The following PIP5K1C variants were observed in gnomAD, a reference collection of about 807,000 sequenced individuals.
PIP5K1C encodes the protein phosphatidylinositol 4-phosphate 5-kinase type-1 gamma.
Under a neutral mutation model 80.1 loss-of-function variants are expected in PIP5K1C, and 45 were observed. The ratio of observed to expected loss-of-function variants is 0.56; its 90% CI spans 0.44 to 0.72. The LOEUF (loss-of-function observed/expected upper bound fraction) is 0.72, where lower values mean the gene tolerates loss of function less well. PIP5K1C is among the 30% of genes least tolerant of loss of function. The pLI, the probability that PIP5K1C is intolerant of heterozygous loss-of-function variation, is 0.00. For synonymous variants in PIP5K1C, 498 were observed against 420.1 expected, an observed-to-expected ratio of 1.19 and a Z score of -2.27; for missense variants, 753 against 954.6, an observed-to-expected ratio of 0.79 and a Z score of 2.78.
At chr19:3,672,109 A>G (rs1341016250) in intron 1 of PIP5K1C, among the ~76,000 whole-genome samples, 1 of 152,160 alleles carries the variant, frequency 6.6e-6, no homozygotes, top group African/African-American at 2.4e-5. Flanking sequence ...CGCTGGCTGC[A>G]CGGTGACCTC....
chr19:3,657,580 G>A (rs1252561366), intron 5 of PIP5K1C, among the ~76,000 whole-genome samples: 1 of 152,134 alleles, frequency 6.6e-6, no homozygotes, highest in African/African-American at 2.4e-5. Flanking sequence ...CAATGCTGCT[G>A]TGATAAACAG....
intron 1 of PIP5K1C, among the ~76,000 whole-genome samples, chr19:3,699,151 C>T (rs970213219): frequency 2.0e-5 from 3 of 151,978 alleles, no homozygotes; most frequent in Admixed American, 6.6e-5. Context: ...AGAAAGGAAC[C>T]CGGGCTGGGG....
rs374199474 is a variant in PIP5K1C at position 3,684,588 on chromosome 19, G to A, written c.94+15709C>T. ...GGTGTGCTGGCACAAGCCAGATGCC[G>A]CAGCAGAACCGACCTGCTGAGCCCA... is the stretch of plus-strand genomic sequence containing the variant. On this transcript the variant is annotated intron_variant, in intron 1 of 17. Coordinates refer to ENST00000335312, the MANE Select transcript of PIP5K1C (RefSeq NM_012398.3). Among the ~76,000 whole-genome samples, 25 of 152,352 alleles carry A rather than the reference G, an allele frequency of 1.6e-4. No individual in the cohort carries two copies. The East Asian group carries it at 2.7e-3, about 16-fold the overall frequency.
rs755606986 is a variant in PIP5K1C at position 3,661,865 on chromosome 19, G to T, written c.350+6C>A. On this transcript the variant is annotated splice_donor_region_variant and intron_variant, in intron 4 of 17. Transcript: ENST00000335312. ...TGAGCCCTGAGGCTCCGGGGGCCCG[G>T]CCCACCTGGGGAAGAAGATGCTCTC... The T allele has an allele frequency of 3.1e-6, 5 of 1,611,314 alleles. No homozygotes were observed. The highest frequency in any genetic ancestry group is 4.2e-6 in the Non-Finnish European group (5 of 1,179,930).
intron 16 of PIP5K1C, among the ~76,000 whole-genome samples, chr19:3,634,354 A>C (rs546094672): frequency 1.8e-4 from 25 of 140,674 alleles, no homozygotes; most frequent in South Asian, 2.2e-4. Context: ...TCAGGGCTCC[A>C]GCCTGGCCGC....
Position 3,680,072 on chromosome 19 carries a change from C to A in PIP5K1C, c.95-12719G>T, listed in dbSNP as rs193163762. On this transcript the variant is annotated intron_variant, in intron 1 of 17. Coordinates refer to ENST00000335312, the MANE Select transcript of PIP5K1C (RefSeq NM_012398.3). ...AAAGGCCTGAAGCCCCACAATCAAG[C>A]CTGGAACAATGGCCCTGAAGTGACT... Among the ~76,000 whole-genome samples, 13 of 152,326 alleles carry A rather than the reference C, an allele frequency of 8.5e-5. No homozygotes were observed. The East Asian group carries it at 2.5e-3, about 29-fold the overall frequency.
rs28626533 is a variant in PIP5K1C at position 3,631,235 on chromosome 19, T to C, written c.*1932A>G. On this transcript the variant is annotated 3_prime_UTR_variant, in exon 18 of 18. Coordinates refer to ENST00000335312, the MANE Select transcript of PIP5K1C (RefSeq NM_012398.3). ...CCCCACAGGCTCTTGGCGTCTCTGG[T>C]GCCAGGGCTCTGGGCAGGGCGACTC... The C allele has an allele frequency of 0.11, 17,475 of 152,310 alleles. 1,883 individuals are homozygous for C. Among genetic ancestry groups the C allele is most frequent in the African/African-American group, 0.27 (11,196 of 41,530 alleles). The allele number at this position is 152,310 out of a possible 1,614,324, so 9.4% of individuals were successfully genotyped here.
At chr19:3,657,452 CG>C (rs1317871915) in intron 5 of PIP5K1C, among the ~76,000 whole-genome samples, 1 of 152,196 alleles carries the variant, frequency 6.6e-6, no homozygotes, top group Non-Finnish European at 1.5e-5. Flanking sequence ...TTGGTGTACA[CG>C]GATGAGGTCA....
At chr19:3,638,783 G>T in intron 16 of PIP5K1C, 101 bp downstream of exon 16, 1 of 1,483,634 alleles carries the variant, frequency 6.7e-7, no homozygotes, top group Non-Finnish European at 9.3e-7. Context: ...ACACTCACGT[G>T]CCTGTGTGCA....
chr19:3,652,075 T>C (rs1282267120), intron 7 of PIP5K1C, 44 bp from the exon 8 acceptor site: 24 of 1,591,100 alleles, frequency 1.5e-5, no homozygotes, highest in Non-Finnish European at 2.0e-5. Context: ...CAGCCGTCTC[T>C]ATCCCCCACA....
intron 3 of PIP5K1C, among the ~76,000 whole-genome samples, chr19:3,662,242 C>T (rs2034858056): frequency 1.3e-5 from 2 of 152,216 alleles, no homozygotes; most frequent in South Asian, 4.1e-4. Context: ...GCTGCAACTG[C>T]CGCACCACGT....
At chr19:3,669,007 G>A (rs970545746) in intron 1 of PIP5K1C, among the ~76,000 whole-genome samples, 3 of 152,198 alleles carry the variant, frequency 2.0e-5, no homozygotes, top group Admixed American at 1.3e-4. Context: ...AGGGCCCAGG[G>A]GCATGGAGAC....
chr19:3,699,266 C>A (rs1267086259), intron 1 of PIP5K1C, among the ~76,000 whole-genome samples: 2 of 150,132 alleles, frequency 1.3e-5, no homozygotes, highest in South Asian at 2.1e-4. Context: ...GGGGAAGGAA[C>A]CGGGTCACCT....
At chr19:3,691,183 G>A (rs188841118) in intron 1 of PIP5K1C, among the ~76,000 whole-genome samples, 48 of 152,342 alleles carry the variant, frequency 3.2e-4, no homozygotes, top group Non-Finnish European at 5.9e-4. Flanking sequence ...CTGCAATGAC[G>A]CAGTGAGGGA....
intron 11 of PIP5K1C, among the ~76,000 whole-genome samples, chr19:3,645,153 T>G (rs1011987199): frequency 6.6e-6 from 1 of 152,212 alleles, no homozygotes; most frequent in Non-Finnish European, 1.5e-5. Flanking sequence ...CGCTGGGCAC[T>G]GGCGTGCCTG....
intron 1 of PIP5K1C, among the ~76,000 whole-genome samples, chr19:3,668,138 C>T (rs2145513876): frequency 6.6e-6 from 1 of 152,072 alleles, no homozygotes; most frequent in South Asian, 2.1e-4. Context: ...AGGATTGAGC[C>T]AACGAGCCCA....
intron 1 of PIP5K1C, chr19:3,668,367 A>T (rs1180067872): frequency 6.6e-6 from 1 of 152,174 alleles, no homozygotes; most frequent in Admixed American, 6.5e-5. Context: ...TGGGAGCCCG[A>T]TGTCCTCACA....
rs749378065 is a variant in PIP5K1C, at chr19:3,644,271, T to C, written c.1346-20A>G. ...TCAGGGCTGCAGGGAAGGGTGGGGG[T>C]TGGTGCTTGGGGTTGCTGGGGGCTC... On this transcript the variant is annotated intron_variant, in intron 11 of 17. Coordinates refer to ENST00000335312, the MANE Select transcript of PIP5K1C (RefSeq NM_012398.3). The C allele has an allele frequency of 2.5e-6, 4 of 1,608,684 alleles. No homozygotes were observed. The highest frequency in any genetic ancestry group is 3.4e-6 in the Non-Finnish European group (4 of 1,178,086).
chr19:3,680,267 A>G (rs956141664), intron 1 of PIP5K1C, among the ~76,000 whole-genome samples: 3 of 152,068 alleles, frequency 2.0e-5, no homozygotes, highest in African/African-American at 7.2e-5. Flanking sequence ...GGGATGACAC[A>G]CCACTGAGGC....
Sources: gnomAD v4.1 joint callset for allele counts (sites outside exome capture counted in the v4.1 genomes callset) on GRCh38, gnomAD v4.1.1 for gene constraint, MANE v1.5 for transcripts, NCBI Gene and HGNC (gene_info 2026-07-23, HGNC 2026-07-21) for gene names.